Variants in SNX9 observed in about 807,000 individuals in gnomAD.
SNX9 encodes sorting nexin 9, also known as sorting nexin-9.
A neutral mutation model predicts 89.4 loss-of-function variants in SNX9; 44 were observed. That is an observed-to-expected ratio of 0.49 (90% CI 0.39 to 0.63). SNX9 has a LOEUF of 0.63. SNX9 is among the 30% of genes least tolerant of loss of function. The probability of loss-of-function intolerance (pLI) is 0.00; values close to 1 mark genes in which losing one functional copy is unlikely to be tolerated. For synonymous variants in SNX9, 236 were observed against 247.8 expected (o/e 0.95, Z 0.45); for missense variants, 578 against 736.1 (o/e 0.79, Z 2.49).
At chr6:157,843,395 A>G (rs1781741434) in intron 1 of SNX9, among the ~76,000 whole-genome samples, 1 of 152,076 alleles carries the variant, frequency 6.6e-6, no homozygotes, top group East Asian at 1.9e-4. Flanking sequence ...TGTATGTTAT[A>G]TGTATTACAT....
chr6:157,906,205 C>G lies in SNX9; in HGVS notation c.698C>G (p.Pro233Arg). ...CTAGCAAAACCCAAAGAGAAAATTC[C>G]CATCATTGTAAGTTTGTTTATTTTT... ...KQLAKPKEKI[P>R]IIVGDYGPMW... The change falls in exon 7 of 18, where the codon CCC becomes CGC. Residue 233 changes from proline to arginine, a missense_variant. By Grantham distance (103) the Pro-to-Arg change is moderately radical. Transcript: ENST00000392185. 6.2e-7 allele frequency: 1 copy of G among 1,601,872 alleles called. No homozygotes were observed. The highest frequency in any genetic ancestry group is 8.5e-7 in the Non-Finnish European group (1 of 1,176,440).
intron 2 of SNX9, 68 bp from the exon 3 acceptor site, chr6:157,873,034 A>G (rs1020326543): frequency 7.5e-7 from 1 of 1,333,862 alleles, no homozygotes; most frequent in Non-Finnish European, 1.0e-6. Context: ...ATTCCTCCAC[A>G]CAAAATTTCT....
At chr6:157,834,731 C>A (rs1781551301) in intron 1 of SNX9, among the ~76,000 whole-genome samples, 1 of 152,154 alleles carries the variant, frequency 6.6e-6, no homozygotes, top group African/African-American at 2.4e-5. Flanking sequence ...CTATCCATGG[C>A]TGCACACTTA....
chr6:157,901,856 T>C (rs1783104141), intron 5 of SNX9, 42 bp from the exon 6 acceptor site: 2 of 566,716 alleles, frequency 3.5e-6, no homozygotes, highest in Admixed American at 4.9e-5. Context: ...ATTTTGGTCT[T>C]TTTTTTTTTT....
intron 9 of SNX9, among the ~76,000 whole-genome samples, chr6:157,915,660 C>T (rs147250650): frequency 0.026 from 2,995 of 116,342 alleles, 185 homozygotes; most frequent in African/African-American, 0.1. Flanking sequence ...TATATATACA[C>T]ACACACACAC....
chr6:157,862,149 G>A (rs896768028), intron 1 of SNX9, among the ~76,000 whole-genome samples: 3 of 152,176 alleles, frequency 2.0e-5, no homozygotes, highest in Non-Finnish European at 4.4e-5. Context: ...CACTGAAACC[G>A]AGGAACGTGA....
intron 1 of SNX9, among the ~76,000 whole-genome samples, chr6:157,832,505 A>G (rs1332893401): frequency 6.6e-6 from 1 of 152,316 alleles, no homozygotes; most frequent in East Asian, 1.9e-4. Context: ...ATGTCTGTGT[A>G]TTAGTCTGTT....
intron 4 of SNX9, among the ~76,000 whole-genome samples, chr6:157,879,419 A>T (rs1782582589): frequency 6.6e-6 from 1 of 152,224 alleles, no homozygotes; most frequent in Admixed American, 6.5e-5. Flanking sequence ...TTCAGTGCAC[A>T]CACATACACA....
intron 1 of SNX9, among the ~76,000 whole-genome samples, chr6:157,863,885 T>C (rs894373976): frequency 5.9e-5 from 9 of 152,246 alleles, no homozygotes; most frequent in Non-Finnish European, 7.3e-5. Context: ...GTTATACTTA[T>C]TTGGAGATAT....
chr6:157,869,583 C>T (rs1040032347), intron 2 of SNX9, among the ~76,000 whole-genome samples: 1 of 152,202 alleles, frequency 6.6e-6, no homozygotes, highest in Admixed American at 6.5e-5. Flanking sequence ...CCTGCGCTTC[C>T]TGCCAGCGCC....
At chr6:157,900,475 C>G (rs75959852) in intron 5 of SNX9, among the ~76,000 whole-genome samples, 38,954 of 151,892 alleles carry the variant, frequency 0.26, 5,369 homozygotes, top group African/African-American at 0.35. Context: ...CGGATCGGCC[C>G]GTTGAGAAAT....
At chr6:157,899,112 G>A (rs973244416) in intron 5 of SNX9, among the ~76,000 whole-genome samples, 1 of 151,164 alleles carries the variant, frequency 6.6e-6, no homozygotes, top group African/African-American at 2.4e-5. Context: ...GAGCCCACAG[G>A]GGAGGAAGGA....
At chr6:157,864,647 G>A (rs1443838166) in intron 1 of SNX9, among the ~76,000 whole-genome samples, 4 of 152,122 alleles carry the variant, frequency 2.6e-5, no homozygotes, top group African/African-American at 9.7e-5. Context: ...CCACTCTGAG[G>A]GCTCGCTTCC....
At chr6:157,935,425 G>A (rs138859861) in intron 13 of SNX9, among the ~76,000 whole-genome samples, 336 of 152,276 alleles carry the variant, frequency 2.2e-3, no homozygotes, top group African/African-American at 7.8e-3. Flanking sequence ...CACAGGGACA[G>A]GGGAGTGTGT....
At chr6:157,873,671 A>ATT (rs1000504419) in intron 3 of SNX9, among the ~76,000 whole-genome samples, 65 of 150,756 alleles carry the variant, frequency 4.3e-4, no homozygotes, top group African/African-American at 1.4e-3. Context: ...CATATAACGT[A>ATT]TTTTTCCTTT....
chr6:157,926,614 T>G (rs2115198992), intron 10 of SNX9, among the ~76,000 whole-genome samples: 1 of 151,754 alleles, frequency 6.6e-6, no homozygotes, highest in South Asian at 2.1e-4. Context: ...AAACCCCATC[T>G]CTACAAAAAA....
At position 157,942,768 on chromosome 6, in the gene SNX9, GT is replaced by G. The variant is rs760572004; in HGVS notation, c.1741-19del. 1.1e-5 allele frequency: 17 copies of G among 1,613,594 alleles called. No individual in the cohort carries two copies. In the African/African-American group the frequency reaches 1.7e-4, roughly 16 times the overall value. ...GTAATGGGAGTGATATCTCAACGTT[GT>G]TTTGTTTTGCTTTCTTGTCAGATTG... is the stretch of plus-strand genomic sequence containing the variant. On this transcript the variant is annotated intron_variant, in intron 17 of 17. Coordinates refer to ENST00000392185, the MANE Select transcript of SNX9 (RefSeq NM_016224.5).
intron 4 of SNX9, among the ~76,000 whole-genome samples, chr6:157,884,164 T>C (rs1314022471): frequency 6.6e-6 from 1 of 152,216 alleles, no homozygotes; most frequent in Non-Finnish European, 1.5e-5. Flanking sequence ...GAAGATTCTC[T>C]TACAGAAAAT....
chr6:157,907,918 C>T lies in SNX9; in HGVS notation c.705+1706C>T, dbSNP rs572466843. Among the ~76,000 whole-genome samples, 27 of 152,354 alleles carry T rather than the reference C, an allele frequency of 1.8e-4. 1 individual carries two copies. The South Asian group carries it at 3.9e-3, about 22-fold the overall frequency. On this transcript the variant is annotated intron_variant, in intron 7 of 17. Transcript: ENST00000392185. ...AGGGAGGTCCCGAAAGTCATCTCCT[C>T]TGCAGCTTTCAGCTAGTTTCTTGGA...
Sources: allele counts gnomAD v4.1 joint callset (sites outside exome capture counted in the v4.1 genomes callset), GRCh38; gene constraint gnomAD v4.1.1; transcripts MANE v1.5; gene names NCBI Gene and HGNC (gene_info 2026-07-23, HGNC 2026-07-21).